Variants in ARHGAP18 observed in about 807,000 individuals in gnomAD.
ARHGAP18 encodes Rho GTPase activating protein 18.
ARHGAP18 carries 67 observed loss-of-function variants against 86.2 expected under a neutral mutation model. The ratio of observed to expected loss-of-function variants is 0.78; its 90% CI spans 0.64 to 0.95. The LOEUF (loss-of-function observed/expected upper bound fraction) is 0.95. Ranked by LOEUF, ARHGAP18 falls within the 40% of genes least tolerant of loss-of-function variation. The pLI, the probability that ARHGAP18 is intolerant of heterozygous loss-of-function variation, is 0.00. For missense variants in ARHGAP18, 691 were observed against 780.4 expected (o/e 0.89, Z 1.37); for synonymous variants, 283 against 280.4 (o/e 1.01, Z -0.09).
intron 5 of ARHGAP18, among the ~76,000 whole-genome samples, chr6:129,621,273 A>G (rs1001386446): frequency 6.6e-6 from 1 of 152,206 alleles, no homozygotes; most frequent in Non-Finnish European, 1.5e-5. Context: ...TATGACTTTT[A>G]GTAAGTGAGA....
intron 10 of ARHGAP18, 90 bp downstream of exon 10, chr6:129,605,787 A>G (rs1173688843): frequency 1.7e-6 from 2 of 1,186,498 alleles, no homozygotes; most frequent in Non-Finnish European, 2.5e-6. Context: ...GACCATGTCC[A>G]AGATACACAT....
intron 1 of ARHGAP18, among the ~76,000 whole-genome samples, chr6:129,704,431 C>T (rs528948417): frequency 8.4e-4 from 128 of 151,996 alleles, no homozygotes; most frequent in African/African-American, 2.9e-3. Context: ...GGTGACACAG[C>T]GAGACTCAGT....
At chr6:129,619,665 A>C (rs117163734) in intron 5 of ARHGAP18, among the ~76,000 whole-genome samples, 14,774 of 145,344 alleles carry the variant, frequency 0.1, 998 homozygotes, top group Middle Eastern at 0.16. Flanking sequence ...AAACAGAGGA[A>C]GATGACATGA....
intron 1 of ARHGAP18, among the ~76,000 whole-genome samples, chr6:129,679,166 T>C (rs1313017527): frequency 6.6e-6 from 1 of 151,608 alleles, no homozygotes; most frequent in East Asian, 1.9e-4. Flanking sequence ...TTAAAATAAA[T>C]CCTTACTATT....
chr6:129,645,922 A>G (rs1259572147), intron 1 of ARHGAP18, among the ~76,000 whole-genome samples: 1 of 152,148 alleles, frequency 6.6e-6, no homozygotes, highest in Non-Finnish European at 1.5e-5. Context: ...GGTATATGCT[A>G]TCCCATTTTC....
intron 1 of ARHGAP18, among the ~76,000 whole-genome samples, chr6:129,663,898 C>G (rs1394632100): frequency 2.6e-5 from 4 of 152,264 alleles, no homozygotes; most frequent in African/African-American, 9.6e-5. Context: ...GGTGACCTGG[C>G]AGCCAGAAGT....
At chr6:129,649,856 G>GT (rs1247298711) in intron 1 of ARHGAP18, among the ~76,000 whole-genome samples, 2 of 150,310 alleles carry the variant, frequency 1.3e-5, no homozygotes, top group Non-Finnish European at 1.5e-5. Context: ...TAGGTGCTGG[G>GT]TTTTTTGTTT....
intron 12 of ARHGAP18, among the ~76,000 whole-genome samples, chr6:129,584,640 G>C (rs1305282345): frequency 2.0e-5 from 3 of 152,096 alleles, no homozygotes; most frequent in Admixed American, 6.5e-5. Context: ...TTGAACTTAC[G>C]ATGACCCCTT....
chr6:129,630,714 T>A (rs9402153), intron 4 of ARHGAP18, among the ~76,000 whole-genome samples: 32,386 of 151,892 alleles, frequency 0.21, 3,582 homozygotes, highest in Middle Eastern at 0.25. Flanking sequence ...AGAGTAGACT[T>A]CCCAGGCATG....
intron 5 of ARHGAP18, among the ~76,000 whole-genome samples, chr6:129,627,932 T>C (rs551290197): frequency 2.9e-4 from 44 of 152,188 alleles, no homozygotes; most frequent in African/African-American, 1.0e-3. Context: ...TTTAGAAATA[T>C]AGATGATAAA....
At chr6:129,701,359 C>T (rs1452624030) in intron 1 of ARHGAP18, among the ~76,000 whole-genome samples, 1 of 152,240 alleles carries the variant, frequency 6.6e-6, no homozygotes, top group Non-Finnish European at 1.5e-5. Context: ...AGGAATCTCA[C>T]TACCCACAGA....
chr6:129,658,397 A>T (rs1050780179), intron 1 of ARHGAP18, among the ~76,000 whole-genome samples: 1 of 146,048 alleles, frequency 6.8e-6, no homozygotes, highest in Admixed American at 7.1e-5. Context: ...AAATTAAAAT[A>T]AAATTGCCTT....
chr6:129,617,235 C>T (rs1021806126), intron 6 of ARHGAP18, among the ~76,000 whole-genome samples: 5 of 152,112 alleles, frequency 3.3e-5, no homozygotes, highest in African/African-American at 7.2e-5. Flanking sequence ...AACATGGCTT[C>T]GACCAACACC....
intron 1 of ARHGAP18, among the ~76,000 whole-genome samples, chr6:129,694,654 G>T (rs180775869): frequency 1.3e-5 from 2 of 152,322 alleles, no homozygotes; most frequent in African/African-American, 4.8e-5. Flanking sequence ...CAGTTAGTAA[G>T]ATTATGAGTT....
intron 12 of ARHGAP18, among the ~76,000 whole-genome samples, chr6:129,585,291 ATAAAT>A (rs1788374302): frequency 1.3e-5 from 2 of 152,126 alleles, no homozygotes; most frequent in Non-Finnish European, 2.9e-5. Context: ...TCAAAAATAA[ATAAAT>A]AAATAAAAAT....
intron 1 of ARHGAP18, among the ~76,000 whole-genome samples, chr6:129,686,753 C>T (rs1261106596): frequency 4.0e-5 from 6 of 150,674 alleles, no homozygotes; most frequent in East Asian, 1.9e-4. Flanking sequence ...GGAGTCATCC[C>T]GTCATCTTTC....
At chr6:129,626,573 G>C (rs771528934) in intron 5 of ARHGAP18, among the ~76,000 whole-genome samples, 8 of 151,596 alleles carry the variant, frequency 5.3e-5, no homozygotes, top group Non-Finnish European at 1.2e-4. Context: ...GCAGCTGATG[G>C]CTTAACGATA....
intron 10 of ARHGAP18, among the ~76,000 whole-genome samples, chr6:129,604,620 C>T (rs1300504451): frequency 6.6e-6 from 1 of 152,102 alleles, no homozygotes; most frequent in Non-Finnish European, 1.5e-5. Context: ...GTCCCTGTCT[C>T]AGCCACAATC....
intron 1 of ARHGAP18, among the ~76,000 whole-genome samples, chr6:129,675,729 A>G (rs1298852749): frequency 6.6e-6 from 1 of 152,146 alleles, no homozygotes; most frequent in Non-Finnish European, 1.5e-5. Context: ...TAAGAAATAG[A>G]GACTTAATTG....
Sources: gnomAD v4.1 joint callset for allele counts (sites outside exome capture counted in the v4.1 genomes callset) on GRCh38, gnomAD v4.1.1 for gene constraint, MANE v1.5 for transcripts, NCBI Gene and HGNC (gene_info 2026-07-23, HGNC 2026-07-21) for gene names.